ATP8A1: variants seen among roughly 807,000 people sequenced by gnomAD.
ATP8A1 encodes ATPase phospholipid transporting 8A1, also known as phospholipid-transporting ATPase IA.
ATP8A1 carries 90 observed loss-of-function variants against 177.7 expected under a neutral mutation model. The ratio of observed to expected loss-of-function variants is 0.51; its 90% CI spans 0.43 to 0.60. ATP8A1 has a LOEUF of 0.60. ATP8A1 is among the 20% of genes least tolerant of loss of function. ATP8A1 has a pLI of 0.00. For synonymous variants in ATP8A1, 493 were observed against 485.9 expected (o/e 1.01, Z -0.19); for missense variants, 1,072 against 1,392.8 (o/e 0.77, Z 3.67).
chr4:42,593,149 T>C (rs1734358285), intron 6 of ATP8A1, among the ~76,000 whole-genome samples: 1 of 152,100 alleles, frequency 6.6e-6, no homozygotes, highest in Non-Finnish European at 1.5e-5. Context: ...ATAAGAATCC[T>C]GGCTTTTCAC....
At chr4:42,519,969 A>G (rs115292362) in intron 22 of ATP8A1, among the ~76,000 whole-genome samples, 1,527 of 152,302 alleles carry the variant, frequency 0.01, 24 homozygotes, top group African/African-American at 0.035. Context: ...CTTTTAATGG[A>G]GTGCCTCAGT....
At chr4:42,466,105 A>G (rs896452417) in intron 25 of ATP8A1, among the ~76,000 whole-genome samples, 7 of 152,014 alleles carry the variant, frequency 4.6e-5, no homozygotes, top group African/African-American at 1.7e-4. Flanking sequence ...GACAGAATGC[A>G]TAACACACTG....
Position 42,549,314 on chromosome 4 carries a change from A to G in ATP8A1, c.1603-252T>C, listed in dbSNP as rs3811770. Among the ~76,000 whole-genome samples, 6 of 152,314 alleles carry G rather than the reference A, an allele frequency of 3.9e-5. No individual in the cohort carries two copies. In the East Asian group the frequency reaches 1.2e-3, roughly 29 times the overall value. Reference sequence around the variant, plus strand: ...AGTTCTTAGAATATAACCTGTCCAGACAAGAGAATGGAGGGCTTCAAAAGG... The same window carrying G: ...AGTTCTTAGAATATAACCTGTCCAGGCAAGAGAATGGAGGGCTTCAAAAGG... On this transcript the variant is annotated intron_variant, in intron 18 of 36. Coordinates refer to ENST00000381668, the MANE Select transcript of ATP8A1 (RefSeq NM_006095.2).
At chr4:42,478,971 T>C (rs1216908133) in intron 25 of ATP8A1, among the ~76,000 whole-genome samples, 1 of 152,166 alleles carries the variant, frequency 6.6e-6, no homozygotes, top group Non-Finnish European at 1.5e-5. Flanking sequence ...GTTTCAATTT[T>C]TGAGAAAAGA....
chr4:42,479,992 C>T (rs756382034), intron 25 of ATP8A1, among the ~76,000 whole-genome samples: 4 of 35,820 alleles, frequency 1.1e-4, no homozygotes, highest in Non-Finnish European at 2.8e-4. Context: ...ATCTGCAGTT[C>T]TGCTTGTGTG....
intron 1 of ATP8A1, among the ~76,000 whole-genome samples, chr4:42,650,918 T>C (rs1037604585): frequency 7.9e-5 from 12 of 152,152 alleles, no homozygotes; most frequent in Non-Finnish European, 1.6e-4. Flanking sequence ...CCTGATATAG[T>C]TTGGCTGTGT....
intron 25 of ATP8A1, among the ~76,000 whole-genome samples, chr4:42,469,743 T>C (rs953792337): frequency 5.9e-5 from 9 of 152,164 alleles, no homozygotes; most frequent in African/African-American, 1.9e-4. Flanking sequence ...TTCTCCAGAA[T>C]ATATTATTTT....
At chr4:42,416,198 T>C (rs1488967052) in intron 35 of ATP8A1, among the ~76,000 whole-genome samples, 2 of 152,216 alleles carry the variant, frequency 1.3e-5, no homozygotes, top group Non-Finnish European at 2.9e-5. Context: ...AATATGTAAC[T>C]GCTTTGAGGA....
chr4:42,651,979 T>C, intron 1 of ATP8A1, among the ~76,000 whole-genome samples: 1 of 152,252 alleles, frequency 6.6e-6, no homozygotes, highest in East Asian at 1.9e-4. Flanking sequence ...TAAAGAGACC[T>C]AAAATTCTTA....
At chr4:42,488,407 A>C (rs1329832937) in intron 24 of ATP8A1, among the ~76,000 whole-genome samples, 9 of 152,072 alleles carry the variant, frequency 5.9e-5, no homozygotes, top group South Asian at 2.1e-4. Context: ...CAAAAAAAAA[A>C]ACAACAAACC....
intron 14 of ATP8A1, among the ~76,000 whole-genome samples, chr4:42,572,552 T>C (rs967813577): frequency 3.3e-5 from 5 of 152,172 alleles, no homozygotes; most frequent in Admixed American, 1.3e-4. Flanking sequence ...GAGGGAACAC[T>C]GATAAAAACT....
At chr4:42,577,277 C>A (rs528058083) in intron 12 of ATP8A1, among the ~76,000 whole-genome samples, 1 of 152,278 alleles carries the variant, frequency 6.6e-6, no homozygotes, top group East Asian at 1.9e-4. Context: ...TATATTTGTA[C>A]ATATCCTATT....
intron 35 of ATP8A1, among the ~76,000 whole-genome samples, chr4:42,420,615 C>T (rs1204649411): frequency 6.6e-6 from 1 of 152,124 alleles, no homozygotes; most frequent in African/African-American, 2.4e-5. Flanking sequence ...AACAAAAAGA[C>T]AAACTAAGTA....
At chr4:42,462,132 A>G (rs1158942444) in intron 27 of ATP8A1, among the ~76,000 whole-genome samples, 13 of 152,250 alleles carry the variant, frequency 8.5e-5, no homozygotes, top group Admixed American at 8.5e-4. Context: ...TTGCAGCCTG[A>G]CAATGCAATA....
intron 5 of ATP8A1, among the ~76,000 whole-genome samples, chr4:42,607,788 C>A (rs1399393307): frequency 6.6e-6 from 1 of 152,190 alleles, no homozygotes; most frequent in Non-Finnish European, 1.5e-5. Flanking sequence ...TGACTGTGTT[C>A]CTCCCTACCT....
intron 16 of ATP8A1, among the ~76,000 whole-genome samples, chr4:42,553,984 T>G (rs970964799): frequency 5.9e-5 from 9 of 151,716 alleles, no homozygotes; most frequent in Non-Finnish European, 1.3e-4. Flanking sequence ...TTTTAGAAAA[T>G]AAAAGGCAGC....
At chr4:42,644,269 A>G (rs1263531889) in intron 1 of ATP8A1, among the ~76,000 whole-genome samples, 1 of 152,216 alleles carries the variant, frequency 6.6e-6, no homozygotes, top group African/African-American at 2.4e-5. Flanking sequence ...GGGGGATTCA[A>G]TTTGGTACCT....
In ATP8A1 at chr4:42,577,751, AAATAACATGAT is replaced by A. The variant is rs1732618671; in HGVS notation, c.1128+498_1128+508del. ...AAGCTAAAATTGTTTACAGTGTAGA[AAATAACATGAT>A]ATAACATGATAATCTGGTTGATATC... On this transcript the variant is annotated intron_variant, in intron 12 of 36. Coordinates refer to ENST00000381668, the MANE Select transcript of ATP8A1 (RefSeq NM_006095.2). 2.6e-5 allele frequency among the ~76,000 whole-genome samples: 4 copies of A among 152,152 alleles called. No homozygotes were observed. In the South Asian group the frequency reaches 8.3e-4, roughly 31 times the overall value.
At chr4:42,596,085 T>C (rs928066130) in intron 6 of ATP8A1, among the ~76,000 whole-genome samples, 16 of 152,220 alleles carry the variant, frequency 1.1e-4, no homozygotes, top group African/African-American at 3.9e-4. Context: ...CAAACACCTG[T>C]CTTTCCTTTT....
Sources: allele counts gnomAD v4.1 joint callset (sites outside exome capture counted in the v4.1 genomes callset), GRCh38; gene constraint gnomAD v4.1.1; transcripts MANE v1.5; gene names NCBI Gene and HGNC (gene_info 2026-07-23, HGNC 2026-07-21).